CTNNA3: variants seen among roughly 807,000 people sequenced by gnomAD.
The protein encoded by CTNNA3 is catenin alpha-3.
A neutral mutation model predicts 95.7 loss-of-function variants in CTNNA3; 76 were observed. The observed-to-expected ratio is 0.79, with a 90% confidence interval of 0.66 to 0.96. CTNNA3 has a LOEUF of 0.96. CTNNA3 is among the 40% of genes least tolerant of loss of function. The probability of loss-of-function intolerance (pLI) is 0.00; values close to 1 mark genes in which losing one functional copy is unlikely to be tolerated. For missense variants in CTNNA3, 1,191 were observed against 1,089.8 expected, an observed-to-expected ratio of 1.09 and a Z score of -1.31; for synonymous variants, 431 against 374.4, an observed-to-expected ratio of 1.15 and a Z score of -1.74.
intron 7 of CTNNA3, among the ~76,000 whole-genome samples, chr10:66,877,885 AT>A (rs1229869090): frequency 1.3e-5 from 2 of 152,114 alleles, no homozygotes; most frequent in African/African-American, 2.4e-5. Flanking sequence ...ATTTATAGAG[AT>A]TTATAATGTT....
At chr10:66,837,800 G>C (rs1842931805) in intron 7 of CTNNA3, 2 of 152,010 alleles carry the variant, frequency 1.3e-5, no homozygotes, top group South Asian at 4.1e-4. Flanking sequence ...AGGACATATA[G>C]TAACCGAATT....
intron 7 of CTNNA3, among the ~76,000 whole-genome samples, chr10:67,059,092 CT>C (rs546214587): frequency 5.0e-4 from 76 of 152,260 alleles, no homozygotes; most frequent in African/African-American, 1.8e-3. Context: ...TCCACTTAGT[CT>C]TGAGAATCTA....
At chr10:67,372,895 G>C (rs1385846610) in intron 5 of CTNNA3, among the ~76,000 whole-genome samples, 1 of 152,126 alleles carries the variant, frequency 6.6e-6, no homozygotes, top group African/African-American at 2.4e-5. Flanking sequence ...AAGTGAAGGA[G>C]AAATAAAATA....
intron 9 of CTNNA3, among the ~76,000 whole-genome samples, chr10:66,642,788 C>T (rs2132384911): frequency 6.6e-6 from 1 of 152,206 alleles, no homozygotes; most frequent in South Asian, 2.1e-4. Context: ...ATTATTTTTG[C>T]AGTGACATCC....
chr10:67,441,999 A>C (rs546198345), intron 5 of CTNNA3, among the ~76,000 whole-genome samples: 15 of 152,296 alleles, frequency 9.8e-5, no homozygotes, highest in African/African-American at 3.6e-4. Flanking sequence ...AACTATTCAA[A>C]GCCTAAGCAG....
chr10:67,373,517 A>G (rs1252252227), intron 5 of CTNNA3, among the ~76,000 whole-genome samples: 2 of 152,188 alleles, frequency 1.3e-5, no homozygotes, highest in Admixed American at 6.5e-5. Context: ...CTCCCACACA[A>G]CAATAATGGG....
At chr10:65,929,967 G>A (rs758477558) in intron 17 of CTNNA3, among the ~76,000 whole-genome samples, 10 of 151,954 alleles carry the variant, frequency 6.6e-5, no homozygotes, top group Non-Finnish European at 1.2e-4. Flanking sequence ...TTCTACCCAC[G>A]GTTGAAAATC....
At chr10:66,724,637 G>C (rs781713301) in intron 9 of CTNNA3, among the ~76,000 whole-genome samples, 2 of 152,122 alleles carry the variant, frequency 1.3e-5, no homozygotes, top group Admixed American at 6.5e-5. Flanking sequence ...AAGCTTCATT[G>C]AATAATTTGT....
intron 15 of CTNNA3, among the ~76,000 whole-genome samples, chr10:66,063,607 T>A (rs557138831): frequency 1.3e-5 from 2 of 151,890 alleles, no homozygotes; most frequent in African/African-American, 4.8e-5. Context: ...ATTTTATTTT[T>A]AAAAAACTAG....
At chr10:67,209,696 G>A (rs1445890445) in intron 6 of CTNNA3, among the ~76,000 whole-genome samples, 3 of 150,360 alleles carry the variant, frequency 2.0e-5, no homozygotes, top group Non-Finnish European at 3.0e-5. Context: ...TTTAAAGGAT[G>A]ACAAAAATAA....
At chr10:67,391,942 C>T (rs1844508725) in intron 5 of CTNNA3, among the ~76,000 whole-genome samples, 1 of 150,768 alleles carries the variant, frequency 6.6e-6, no homozygotes, top group Non-Finnish European at 1.5e-5. Context: ...GACCTAAAAC[C>T]ATAAAAACCC....
intron 9 of CTNNA3, among the ~76,000 whole-genome samples, chr10:66,711,683 G>A (rs10997338): frequency 0.032 from 4,901 of 151,936 alleles, 208 homozygotes; most frequent in East Asian, 0.22. Context: ...TGAGTAGCTG[G>A]GATTATAGGC....
At chr10:67,687,943 G>A (rs1840765566) in intron 1 of CTNNA3, among the ~76,000 whole-genome samples, 1 of 152,128 alleles carries the variant, frequency 6.6e-6, no homozygotes, top group Admixed American at 6.5e-5. Flanking sequence ...GGGATGGCTT[G>A]CTGACCAGTA....
At chr10:65,930,199 TAAAAAA>T (rs71472402) in intron 17 of CTNNA3, among the ~76,000 whole-genome samples, 2,221 of 60,714 alleles carry the variant, frequency 0.037, 42 homozygotes, top group African/African-American at 0.11. Flanking sequence ...CAGAGCTCAG[TAAAAAA>T]AAAAAAAAAA....
intron 1 of CTNNA3, among the ~76,000 whole-genome samples, chr10:67,658,011 C>A (rs1249425920): frequency 6.6e-6 from 1 of 152,148 alleles, no homozygotes; most frequent in Non-Finnish European, 1.5e-5. Context: ...GGGTAATATG[C>A]AGCAGCCCAT....
intron 7 of CTNNA3, among the ~76,000 whole-genome samples, chr10:66,799,488 C>T (rs986188820): frequency 3.3e-5 from 5 of 151,324 alleles, no homozygotes; most frequent in African/African-American, 1.2e-4. Context: ...TTGGACAGAA[C>T]TAACAGTACT....
At chr10:65,949,445 C>T (rs1249067885) in intron 17 of CTNNA3, among the ~76,000 whole-genome samples, 1 of 152,110 alleles carries the variant, frequency 6.6e-6, no homozygotes, top group African/African-American at 2.4e-5. Context: ...CTTTTCTCCA[C>T]CTATAAAGTG....
At chr10:66,793,773 CT>C (rs1457647131) in intron 7 of CTNNA3, among the ~76,000 whole-genome samples, 23 of 152,062 alleles carry the variant, frequency 1.5e-4, no homozygotes, top group Non-Finnish European at 4.4e-5. Flanking sequence ...ATTGAGATGT[CT>C]CTTAAATAGA....
intron 2 of CTNNA3, among the ~76,000 whole-genome samples, chr10:67,616,772 T>C (rs1324869695): frequency 2.0e-5 from 3 of 152,230 alleles, no homozygotes; most frequent in East Asian, 1.9e-4. Context: ...AATTCTGGAA[T>C]TGAAAGAGGT....
Sources: gnomAD v4.1 joint callset for allele counts (sites outside exome capture counted in the v4.1 genomes callset) on GRCh38, gnomAD v4.1.1 for gene constraint, MANE v1.5 for transcripts, NCBI Gene and HGNC (gene_info 2026-07-23, HGNC 2026-07-21) for gene names.